Variants in PHACTR2 observed in about 807,000 individuals in gnomAD.
PHACTR2 encodes the protein chromosome 6 open reading frame 56.
A neutral mutation model predicts 76.0 loss-of-function variants in PHACTR2; 30 were observed. That is an observed-to-expected ratio of 0.39 (90% CI 0.30 to 0.54). The LOEUF is 0.54. PHACTR2 is among the 20% of genes least tolerant of loss of function. PHACTR2 has a pLI of 0.61. For missense variants in PHACTR2, 696 were observed against 781.1 expected (o/e 0.89, Z 1.30); for synonymous variants, 292 against 292.5 (o/e 1.00, Z 0.02).
intron 1 of PHACTR2, among the ~76,000 whole-genome samples, chr6:143,669,278 T>C (rs566565356): frequency 6.6e-6 from 1 of 152,070 alleles, no homozygotes. Context: ...TGCTGAGGAG[T>C]GTTTTACTTC....
rs1317119368 is a variant in PHACTR2, at chr6:143,688,341, GA to G, written c.46+10133del. Among the ~76,000 whole-genome samples the G allele has an allele frequency of 6.6e-6, 1 of 152,102 alleles. No individual in the cohort carries two copies. Among genetic ancestry groups the G allele is most frequent in the African/African-American group, 2.4e-5 (1 of 41,406 alleles). On this transcript the variant is annotated intron_variant, in intron 1 of 12. Coordinates refer to ENST00000440869, the MANE Select transcript of PHACTR2 (RefSeq NM_001100164.2). The surrounding 1 kb of genome is among the most constrained non-coding windows in gnomAD (Gnocchi z 5.2). Reference sequence around the variant, plus strand: ...GTGAAGTGGATGCCTGATCTGGGGTGAGGGGTGGGTAGAGAAATGGGAGTAG... The same window carrying G: ...GTGAAGTGGATGCCTGATCTGGGGTGGGGGTGGGTAGAGAAATGGGAGTAG...
chr6:143,542,495 A>G (rs1781180456), intron 1 of PHACTR2, among the ~76,000 whole-genome samples: 1 of 152,120 alleles, frequency 6.6e-6, no homozygotes. Flanking sequence ...TGAGGCAACC[A>G]ATTCCTCTTT....
chr6:143,661,701 A>T (rs1017677411), intron 1 of PHACTR2, among the ~76,000 whole-genome samples: 24 of 151,856 alleles, frequency 1.6e-4, no homozygotes, highest in African/African-American at 7.3e-5. Flanking sequence ...GACTACAGAC[A>T]TGCACCACCA....
chr6:143,800,529 G>A lies in PHACTR2; in HGVS notation c.1846-6528G>A, dbSNP rs1234054318. ...GCCTGCATCGGCCTCCCAAAGTGCT[G>A]GGATTACAGGTGTGAGCCACCGCAC... On this transcript the variant is annotated intron_variant, in intron 11 of 12. Coordinates refer to ENST00000440869, the MANE Select transcript of PHACTR2 (RefSeq NM_001100164.2). This position sits in a 1 kb window ranked among gnomAD's most constrained non-coding sequence, Gnocchi z 4.8. Among the ~76,000 whole-genome samples the A allele has an allele frequency of 1.3e-5, 2 of 152,142 alleles. No individual in the cohort carries two copies. Among genetic ancestry groups the A allele is most frequent in the South Asian group, 2.1e-4 (1 of 4,834 alleles).
rs542106914 is a variant in PHACTR2 at position 143,671,228 on chromosome 6, GC to G, written c.14-40785del. 1.5e-3 allele frequency among the ~76,000 whole-genome samples: 234 copies of G among 152,190 alleles called. 2 individuals are homozygous for G. The highest frequency in any genetic ancestry group is 2.3e-3 in the South Asian group (11 of 4,816). On this transcript the variant is annotated intron_variant, in intron 1 of 11. Transcript: ENST00000305766. The surrounding 1 kb of genome is among the most constrained non-coding windows in gnomAD (Gnocchi z 4.6). ...TTACAGGTCTGAACCACTGCACCTGGCCCAAAGTCTTTATAGTTAACTGCAA... is the reference window on the plus strand; with the variant it reads ...TTACAGGTCTGAACCACTGCACCTGGCCAAAGTCTTTATAGTTAACTGCAA...
rs956683147 is a variant in PHACTR2 at position 143,658,671 on chromosome 6, C to A, written c.13+50349C>A. On this transcript the variant is annotated intron_variant, in intron 1 of 11. Coordinates refer to the PHACTR2 transcript ENST00000305766. This position sits in a 1 kb window ranked among gnomAD's most constrained non-coding sequence, Gnocchi z 4.1. ...AATGGTAAGCATTTGTGTATCTAAA[C>A]ATATATCTAAACATAGAAAAGGTAT... 2.1e-4 allele frequency among the ~76,000 whole-genome samples: 32 copies of A among 152,068 alleles called. No individual in the cohort carries two copies. The highest frequency in any genetic ancestry group is 7.5e-4 in the African/African-American group (31 of 41,402).
At chr6:143,744,110 CTG>C (rs1452096036) in intron 2 of PHACTR2, among the ~76,000 whole-genome samples, 3 of 152,206 alleles carry the variant, frequency 2.0e-5, no homozygotes, top group Non-Finnish European at 2.9e-5. Flanking sequence ...CGTCTACAGA[CTG>C]TGAGCTCCCT....
rs112282354 is a variant in PHACTR2, at chr6:143,697,602, A to G, written c.47-14414A>G. Among the ~76,000 whole-genome samples the G allele has an allele frequency of 0.024, 3,616 of 152,320 alleles. 161 individuals carry two copies. Among genetic ancestry groups the G allele is most frequent in the African/African-American group, 0.081 (3,386 of 41,566 alleles). On this transcript the variant is annotated intron_variant, in intron 1 of 12. Transcript: ENST00000440869. This position sits in a 1 kb window ranked among gnomAD's most constrained non-coding sequence, Gnocchi z 4.4. ...TGTACCATTCTTATGAGTGTTAATC[A>G]TCCTTCCTGCTGGCTCTGATATTTT...
In PHACTR2 at chr6:143,783,883, C is replaced by A. The variant is rs902389711; in HGVS notation, c.1707+603C>A. On this transcript the variant is annotated intron_variant, in intron 10 of 12. Transcript: ENST00000440869. This position sits in a 1 kb window ranked among gnomAD's most constrained non-coding sequence, Gnocchi z 5.2. ...TTAAAAAATTGTTTTGAGTCAGGTG[C>A]AATGGCACGCACCTGTAGTCCCAGC... Among the ~76,000 whole-genome samples the A allele has an allele frequency of 2.6e-5, 4 of 151,824 alleles. No homozygotes were observed. Among genetic ancestry groups the A allele is most frequent in the African/African-American group, 9.7e-5 (4 of 41,344 alleles).
In PHACTR2 at chr6:143,743,944, G is replaced by A. The variant is rs1177171472; in HGVS notation, c.215-5041G>A. On this transcript the variant is annotated intron_variant, in intron 2 of 12. Transcript: ENST00000440869. The surrounding 1 kb of genome is among the most constrained non-coding windows in gnomAD (Gnocchi z 5.0). ...CAGAGTAATATGAAATCCCAGCCAA[G>A]TATCCGCAGAAAAAAGCCAGCGGCA... Among the ~76,000 whole-genome samples, 1 of 152,188 alleles carries A rather than the reference G, an allele frequency of 6.6e-6. No individual in the cohort carries two copies. The highest frequency in any genetic ancestry group is 1.5e-5 in the Non-Finnish European group (1 of 68,026).
rs771819310 is a variant in PHACTR2, at chr6:143,772,393, G to A, written c.1368G>A (p.Ser456=). Residue 456 remains serine (S), a synonymous_variant, in exon 7 of 13, where the codon TCG becomes TCA. Coordinates refer to ENST00000440869, the MANE Select transcript of PHACTR2 (RefSeq NM_001100164.2). The surrounding 1 kb of genome is among the most constrained non-coding windows in gnomAD (Gnocchi z 5.4). The part of the protein sequence containing the change: ...HREYQANDSD[S]DGPILYTDDE... ...AATACCAAGCCAATGACTCTGACTCGGACGGGCCTATCTTGTACACCGATG... is the reference window on the plus strand; with the variant it reads ...AATACCAAGCCAATGACTCTGACTCAGACGGGCCTATCTTGTACACCGATG... The A allele has an allele frequency of 5.6e-6, 9 of 1,614,098 alleles. No individual in the cohort carries two copies. Among genetic ancestry groups the A allele is most frequent in the East Asian group, 2.2e-5 (1 of 44,882 alleles).
At position 143,768,079 on chromosome 6, in the gene PHACTR2, G is replaced by A. The variant is rs145635254; in HGVS notation, c.1232+2281G>A. Among the ~76,000 whole-genome samples the A allele has an allele frequency of 3.8e-3, 584 of 152,166 alleles. 15 individuals carry two copies. The East Asian group carries it at 0.062, about 16-fold the overall frequency. On this transcript the variant is annotated intron_variant, in intron 6 of 12. Coordinates refer to ENST00000440869, the MANE Select transcript of PHACTR2 (RefSeq NM_001100164.2). ...TCTTGAACTCTTGACCTTGTGATCC[G>A]CCTGCCTCAGCCTTCCAAAGTGCTG...
intron 6 of PHACTR2, among the ~76,000 whole-genome samples, chr6:143,768,510 G>A (rs1272006652): frequency 6.6e-6 from 1 of 152,196 alleles, no homozygotes; most frequent in Non-Finnish European, 1.5e-5. Flanking sequence ...GGTGCAACAT[G>A]TAAAGTGTTT....
chr6:143,600,489 T>C (rs1013908434), intron 1 of PHACTR2, among the ~76,000 whole-genome samples: 3 of 152,258 alleles, frequency 2.0e-5, no homozygotes, highest in Non-Finnish European at 4.4e-5. Flanking sequence ...TAGGTACAGT[T>C]CTTAAAAACT....
chr6:143,826,943 T>G lies in PHACTR2; in HGVS notation c.*3254T>G, dbSNP rs1313645010. On this transcript the variant is annotated 3_prime_UTR_variant, in exon 13 of 13. Coordinates refer to ENST00000440869, the MANE Select transcript of PHACTR2 (RefSeq NM_001100164.2). Reference sequence around the variant, plus strand: ...TTAGTAGCATAATGAGAGTAGTCCTTTATCTTTCTCTAATGTTAGTAAATA... The same window carrying G: ...TTAGTAGCATAATGAGAGTAGTCCTGTATCTTTCTCTAATGTTAGTAAATA... The G allele has an allele frequency of 6.6e-6, 1 of 151,798 alleles. No individual in the cohort carries two copies. The highest frequency in any genetic ancestry group is 1.5e-5 in the Non-Finnish European group (1 of 67,946). The allele number at this position is 151,798 out of a possible 1,614,324, so 9.4% of individuals were successfully genotyped here.
chr6:143,586,813 C>A (rs147917811), intron 1 of PHACTR2, among the ~76,000 whole-genome samples: 1 of 152,172 alleles, frequency 6.6e-6, no homozygotes, highest in East Asian at 1.9e-4. Flanking sequence ...TTGAAAACTG[C>A]TTCTGCCCTG....
In PHACTR2 at chr6:143,550,330, T is replaced by C. The variant is rs1005528817; in HGVS notation, c.217+13123T>C. The stretch of plus-strand genomic sequence containing the variant: ...ACACTTCAAGGGAAGCAAGTCTGTA[T>C]GGAGAGCTTTTAATGGGCCTGTCAA... On this transcript the variant is annotated intron_variant, in intron 1 of 11. Transcript: ENST00000367584. The surrounding 1 kb of genome is among the most constrained non-coding windows in gnomAD (Gnocchi z 4.8). Among the ~76,000 whole-genome samples, 1 of 152,044 alleles carries C rather than the reference T, an allele frequency of 6.6e-6. No individual in the cohort carries two copies. The highest frequency in any genetic ancestry group is 1.5e-5 in the Non-Finnish European group (1 of 67,972).
At chr6:143,763,455 G>A (rs1271733627) in intron 5 of PHACTR2, among the ~76,000 whole-genome samples, 1 of 152,212 alleles carries the variant, frequency 6.6e-6, no homozygotes, top group African/African-American at 2.4e-5. Flanking sequence ...AATTGAACAT[G>A]GTTAGGCACC....
intron 7 of PHACTR2, among the ~76,000 whole-genome samples, chr6:143,773,081 C>T (rs1451520839): frequency 1.3e-5 from 2 of 152,062 alleles, no homozygotes; most frequent in African/African-American, 2.4e-5. Flanking sequence ...GGCATGCTAG[C>T]GCACGCCTGT....
Sources: allele counts gnomAD v4.1 joint callset (sites outside exome capture counted in the v4.1 genomes callset), GRCh38; gene constraint gnomAD v4.1.1; non-coding constraint Gnocchi (gnomAD v3.1); transcripts MANE v1.5; gene names NCBI Gene and HGNC (gene_info 2026-07-23, HGNC 2026-07-21).